Variants in SCN3B observed in about 807,000 individuals in gnomAD.
SCN3B encodes the protein sodium voltage-gated channel beta subunit 3.
SCN3B carries 11 observed loss-of-function variants against 25.4 expected under a neutral mutation model. The ratio of observed to expected loss-of-function variants is 0.43; its 90% CI spans 0.27 to 0.72. The LOEUF (loss-of-function observed/expected upper bound fraction) is 0.72. SCN3B is among the 30% of genes least tolerant of loss of function. SCN3B has a pLI of 0.18. For synonymous variants in SCN3B, 109 were observed against 110.7 expected (o/e 0.99, Z 0.09); for missense variants, 218 against 278.3 (o/e 0.78, Z 1.54).
Position 123,642,936 on chromosome 11 carries a change from G to T in SCN3B, c.220-265C>A, listed in dbSNP as rs1234891930. Among the ~76,000 whole-genome samples, 1 of 152,114 alleles carries T rather than the reference G, an allele frequency of 6.6e-6. No individual in the cohort carries two copies. Among genetic ancestry groups the T allele is most frequent in the Non-Finnish European group, 1.5e-5 (1 of 68,018 alleles). On this transcript the variant is annotated intron_variant, in intron 3 of 6. Coordinates refer to ENST00000299333, the MANE Select transcript of SCN3B (RefSeq NM_001040151.2). This position sits in a 1 kb window ranked among gnomAD's most constrained non-coding sequence, Gnocchi z 4.3. ...GTGGTGAGGACAGAGGCAGCCACGG[G>T]CGTGTAGGAAGAAGCTTGGCAGAAA...
intron 2 of SCN3B, 114 bp downstream of exon 2, chr11:123,653,633 G>T (rs1385801257): frequency 9.8e-6 from 12 of 1,221,798 alleles, no homozygotes; most frequent in Non-Finnish European, 1.3e-5. Flanking sequence ...TGGCAGATAC[G>T]CACAGAGGCA....
chr11:123,640,199 C>T lies in SCN3B; in HGVS notation c.446-1875G>A, dbSNP rs373807036. 4 of 152,270 alleles carry T rather than the reference C, an allele frequency of 2.6e-5. No individual in the cohort carries two copies. In the South Asian group the frequency reaches 6.2e-4, roughly 24 times the overall value. 9.4% of individuals were successfully genotyped at this position (152,270 alleles called of 1,614,324 possible). ...GCTCAAACATCTCACCGCCTTGCTA[C>T]CACCTCGTGCATTATTTATGATTTG... is the stretch of plus-strand genomic sequence containing the variant. On this transcript the variant is annotated intron_variant, in intron 4 of 6. Coordinates refer to ENST00000299333, the MANE Select transcript of SCN3B (RefSeq NM_001040151.2).
In SCN3B at chr11:123,643,636, C is replaced by G. The variant is rs776318257; in HGVS notation, c.220-965G>C. ...CATCACAAACATTTCTATGAGACAG[C>G]CTTGCTGTGGATTTCCATGGATGTT... On this transcript the variant is annotated intron_variant, in intron 3 of 6. Transcript: ENST00000299333. 6.6e-5 allele frequency among the ~76,000 whole-genome samples: 10 copies of G among 152,356 alleles called. No homozygotes were observed. The East Asian group carries it at 1.5e-3, about 24-fold the overall frequency.
intron 4 of SCN3B, chr11:123,640,049 G>GAGCAC (rs1955770039): frequency 6.6e-6 from 1 of 152,154 alleles, no homozygotes; most frequent in South Asian, 2.1e-4. Flanking sequence ...TGGTTGTTAA[G>GAGCAC]AGCACAGCAC....
At chr11:123,639,249 C>G (rs2137237086) in intron 4 of SCN3B, 1 of 152,434 alleles carries the variant, frequency 6.6e-6, no homozygotes, top group African/African-American at 2.4e-5. Flanking sequence ...ACGGCTAGTT[C>G]TGTGCTAATA....
chr11:123,642,772 A>G lies in SCN3B; in HGVS notation c.220-101T>C, dbSNP rs2137242453. 2 of 886,150 alleles carry G rather than the reference A, an allele frequency of 2.3e-6. No individual in the cohort carries two copies. The highest frequency in any genetic ancestry group is 1.4e-5 in the South Asian group (1 of 71,602). The allele number at this position is 886,150 out of a possible 1,614,324, so 54.9% of individuals were successfully genotyped here. ...GCAGAGAAAAGGAGCAGAATTGTGCATGGACAGGGAAGAGAGGGGACAATG... is the reference window on the plus strand; with the variant it reads ...GCAGAGAAAAGGAGCAGAATTGTGCGTGGACAGGGAAGAGAGGGGACAATG... On this transcript the variant is annotated intron_variant, in intron 3 of 6. Coordinates refer to ENST00000299333, the MANE Select transcript of SCN3B (RefSeq NM_001040151.2). This position sits in a 1 kb window ranked among gnomAD's most constrained non-coding sequence, Gnocchi z 4.3.
chr11:123,636,167 C>G (rs7103714), intron 5 of SCN3B, among the ~76,000 whole-genome samples: 35,486 of 151,978 alleles, frequency 0.23, 4,494 homozygotes, highest in East Asian at 0.38. Context: ...GGGAGTACTT[C>G]TTGCTATTGT....
intron 3 of SCN3B, among the ~76,000 whole-genome samples, chr11:123,644,800 A>AGAATATATAT (rs1272015067): frequency 2.2e-4 from 10 of 45,582 alleles, no homozygotes; most frequent in Non-Finnish European, 3.7e-4. Context: ...AGAGAGAGAG[A>AGAATATATAT]ATATATATAT....
chr11:123,648,800 C>A (rs1419059771), intron 2 of SCN3B, among the ~76,000 whole-genome samples: 2 of 152,194 alleles, frequency 1.3e-5, no homozygotes, highest in African/African-American at 4.8e-5. Flanking sequence ...CAACAGACAG[C>A]AAACAGTCCA....
At chr11:123,649,695 C>G (rs1454756662) in intron 2 of SCN3B, among the ~76,000 whole-genome samples, 1 of 142,878 alleles carries the variant, frequency 7.0e-6, no homozygotes, top group African/African-American at 2.6e-5. Flanking sequence ...CTCTCTGTCT[C>G]TGTCTCTCTC....
intron 4 of SCN3B, chr11:123,638,933 G>T: frequency 6.1e-6 from 1 of 162,998 alleles, no homozygotes; most frequent in Non-Finnish European, 1.4e-5. Context: ...AGACCTTCCA[G>T]GTCATCCAAA....
intron 3 of SCN3B, among the ~76,000 whole-genome samples, chr11:123,643,334 A>C (rs1709886): frequency 0.2 from 29,826 of 152,178 alleles, 3,180 homozygotes; most frequent in African/African-American, 0.28. Context: ...TAACTAAAAT[A>C]TCATCTTTTA....
rs17127500 is a variant in SCN3B, at chr11:123,652,175, C to T, written c.55+1572G>A. On this transcript the variant is annotated intron_variant, in intron 2 of 6. Coordinates refer to ENST00000299333, the MANE Select transcript of SCN3B (RefSeq NM_001040151.2). ...TTATCCACAACTTCAGCTTTACCGA[C>T]GCTCTTTTTATCTGGCCAGGCTAAC... Among the ~76,000 whole-genome samples the T allele has an allele frequency of 7.2e-3, 1,090 of 152,350 alleles. 19 individuals are homozygous for T. The highest frequency in any genetic ancestry group is 0.046 in the East Asian group (237 of 5,178).
At chr11:123,635,776 T>A (rs979945560) in intron 5 of SCN3B, among the ~76,000 whole-genome samples, 4 of 152,036 alleles carry the variant, frequency 2.6e-5, no homozygotes, top group African/African-American at 4.8e-5. Flanking sequence ...TTCTTTGAAA[T>A]GGTTTAGACC....
intron 4 of SCN3B, among the ~76,000 whole-genome samples, chr11:123,641,400 T>C (rs1955788729): frequency 6.6e-6 from 1 of 152,202 alleles, no homozygotes; most frequent in Admixed American, 6.5e-5. Context: ...GTTCATTCAC[T>C]CTGAGGACTG....
At chr11:123,650,769 T>G (rs1421786265) in intron 2 of SCN3B, among the ~76,000 whole-genome samples, 5 of 152,186 alleles carry the variant, frequency 3.3e-5, no homozygotes, top group Non-Finnish European at 7.3e-5. Flanking sequence ...CTCTAGCAAG[T>G]CCTTTCCCTT....
rs754691631 is a variant in SCN3B at position 123,630,740 on chromosome 11, A to T, written c.*3059T>A. 1 of 152,290 alleles carries T rather than the reference A, an allele frequency of 6.6e-6. No individual in the cohort carries two copies. The highest frequency in any genetic ancestry group is 1.5e-5 in the Non-Finnish European group (1 of 68,052). 9.4% of individuals were successfully genotyped at this position (152,290 alleles called of 1,614,324 possible). A position where few individuals can be genotyped will look rare whatever the true frequency, so the allele number is the denominator to read the frequency against. Reference sequence around the variant, plus strand: ...CCAAAATAGGACTGACTCTCAAAGCACATTGCTAGCATCCACCAAAAAGCA... The same window carrying T: ...CCAAAATAGGACTGACTCTCAAAGCTCATTGCTAGCATCCACCAAAAAGCA... On this transcript the variant is annotated 3_prime_UTR_variant, in exon 7 of 7. Coordinates refer to ENST00000299333, the MANE Select transcript of SCN3B (RefSeq NM_001040151.2).
At chr11:123,646,544 G>C (rs975292058) in intron 2 of SCN3B, among the ~76,000 whole-genome samples, 10 of 152,320 alleles carry the variant, frequency 6.6e-5, no homozygotes, top group African/African-American at 2.4e-4. Context: ...GGACCACTAA[G>C]CTGGAACAAT....
intron 6 of SCN3B, 67 bp downstream of exon 6, chr11:123,634,054 G>A: frequency 7.7e-7 from 1 of 1,303,570 alleles, no homozygotes; most frequent in Non-Finnish European, 1.1e-6. Flanking sequence ...TCAGTTGTGG[G>A]CAACAAAGTC....
Sources: gnomAD v4.1 joint callset for allele counts (sites outside exome capture counted in the v4.1 genomes callset) on GRCh38, gnomAD v4.1.1 for gene constraint, Gnocchi (gnomAD v3.1) non-coding constraint, MANE v1.5 for transcripts, NCBI Gene and HGNC (gene_info 2026-07-23, HGNC 2026-07-21) for gene names.